TEX11: variants seen among roughly 807,000 people sequenced by gnomAD.
TEX11 encodes the protein testis-expressed protein 11.
TEX11 carries 7 observed loss-of-function variants against 84.4 expected under a neutral mutation model. That is an observed-to-expected ratio of 0.08 (90% CI 0.05 to 0.16). TEX11 has a LOEUF of 0.16. TEX11 is among the 10% of genes least tolerant of loss of function. The pLI is 1.00. For missense variants in TEX11, 551 were observed against 660.5 expected (o/e 0.83, Z 1.82); for synonymous variants, 264 against 222.8 (o/e 1.18, Z -1.64).
intron 25 of TEX11, among the ~76,000 whole-genome samples, chrX:70,559,987 CCA>C (rs1039118796): frequency 1.1e-5 from 1 of 93,170 alleles, no homozygotes; most frequent in Non-Finnish European, 2.1e-5. Flanking sequence ...TGCCAGAACT[CCA>C]GTTGCTTCCC....
chrX:70,662,190 A>G (rs769874570), intron 16 of TEX11, among the ~76,000 whole-genome samples: 1 of 111,993 alleles, frequency 8.9e-6, no homozygotes, highest in South Asian at 3.8e-4. Context: ...GGAGCTGAAA[A>G]CCATGGTACG....
At position 70,725,353 on chromosome X, in the gene TEX11, A is replaced by G. The variant is rs2090591714; in HGVS notation, c.844-10T>C. The G allele has an allele frequency of 1.8e-6, 2 of 1,119,814 alleles. No homozygotes were observed. Among genetic ancestry groups the G allele is most frequent in the African/African-American group, 3.6e-5 (2 of 55,468 alleles). The allele number at this position is 1,119,814 out of a possible 1,213,427, so 92.3% of individuals were successfully genotyped here. The stretch of plus-strand genomic sequence containing the variant: ...GAGAACTTAAATGTTCCTATTTTAA[A>G]CAAAGAAATCACAATGATATTAAAA... On this transcript the variant is annotated splice_polypyrimidine_tract_variant and intron_variant, in intron 11 of 29. Transcript: ENST00000374333.
chrX:70,683,056 T>C (rs1272809504), intron 13 of TEX11, among the ~76,000 whole-genome samples: 3 of 111,593 alleles, frequency 2.7e-5, no homozygotes, highest in Non-Finnish European at 5.6e-5. Flanking sequence ...AGTCAGATAA[T>C]CATTTCTCTC....
rs188551665 is a variant in TEX11 at position 70,731,148 on chromosome X, A to C, written c.844-5805T>G. ...ATACCAGAATCTCTGGGACACATTC[A>C]AAGCAGTGTGTAGAGGGAAATTTAT... On this transcript the variant is annotated intron_variant, in intron 11 of 29. Transcript: ENST00000374333. Among the ~76,000 whole-genome samples the C allele has an allele frequency of 9.4e-3, 1,058 of 112,169 alleles. 16 individuals are homozygous for C. The highest frequency in any genetic ancestry group is 0.065 in the Middle Eastern group (14 of 216).
chrX:70,819,214 A>G (rs977026530), intron 8 of TEX11, among the ~76,000 whole-genome samples: 1 of 111,916 alleles, frequency 8.9e-6, no homozygotes, highest in African/African-American at 3.2e-5. Context: ...ACTGAATCCA[A>G]CAAGGATATT....
chrX:70,773,912 C>T (rs898546362), intron 9 of TEX11, among the ~76,000 whole-genome samples: 1 of 111,211 alleles, frequency 9.0e-6, no homozygotes, highest in Admixed American at 9.6e-5. Context: ...GAGAGAGAGA[C>T]TCCCCAATGC....
At chrX:70,741,347 A>G (rs753361263) in intron 10 of TEX11, among the ~76,000 whole-genome samples, 90 of 112,108 alleles carry the variant, frequency 8.0e-4, no homozygotes, top group African/African-American at 2.7e-3. Flanking sequence ...CAACTGTATG[A>G]TTCCATTTAT....
chrX:70,816,914 A>G lies in TEX11; in HGVS notation c.607-10124T>C, dbSNP rs746139288. Among the ~76,000 whole-genome samples, 9 of 110,416 alleles carry G rather than the reference A, an allele frequency of 8.2e-5. No homozygotes were observed. The East Asian group carries it at 2.0e-3, about 24-fold the overall frequency. ...AGCATGGAGAAGAGGGCATCCTCACAGTGAATAGAGTGGCAGAGAATATGG... is the reference window on the plus strand; with the variant it reads ...AGCATGGAGAAGAGGGCATCCTCACGGTGAATAGAGTGGCAGAGAATATGG... On this transcript the variant is annotated intron_variant, in intron 8 of 29. Transcript: ENST00000374333.
Position 70,553,367 on chromosome X carries a change from C to A in TEX11, c.2338G>T (p.Ala780Ser). The A allele has an allele frequency of 8.3e-7, 1 of 1,208,146 alleles. No individual in the cohort carries two copies. Among genetic ancestry groups the A allele is most frequent in the Non-Finnish European group, 1.1e-6 (1 of 893,667 alleles). Residue 780 changes from alanine (A) to serine (S), a missense_variant, in exon 27 of 30, where the codon GCC becomes TCC. Transcript: ENST00000374333. ...TAGAGCAATAAAGCCTTTTTCAAGGCCTTGAGAGCAATCAAAGGATAGTGT... is the reference window on the plus strand; with the variant it reads ...TAGAGCAATAAAGCCTTTTTCAAGGACTTGAGAGCAATCAAAGGATAGTGT... The part of the protein sequence containing the change: ...PAHYPLIALK[A>S]LKKALLLYKK...
At chrX:70,740,586 A>T in intron 11 of TEX11, 115 bp downstream of exon 11, 2 of 452,095 alleles carry the variant, frequency 4.4e-6, no homozygotes, top group African/African-American at 2.4e-5. Flanking sequence ...TATAGAAGAG[A>T]TTATAACAAT....
At chrX:70,852,917 A>T in intron 7 of TEX11, 117 bp downstream of exon 7, 1 of 686,081 alleles carries the variant, frequency 1.5e-6, no homozygotes, top group Non-Finnish European at 2.1e-6. Context: ...GGTCAAATTA[A>T]TATCCTATAA....
intron 28 of TEX11, among the ~76,000 whole-genome samples, chrX:70,540,846 T>C (rs768421479): frequency 9.7e-4 from 109 of 112,058 alleles, no homozygotes; most frequent in African/African-American, 3.5e-3. Flanking sequence ...TTCATATAAA[T>C]AGAAGGATAC....
At chrX:70,648,341 A>G (rs2089771794) in intron 17 of TEX11, among the ~76,000 whole-genome samples, 1 of 110,223 alleles carries the variant, frequency 9.1e-6, no homozygotes, top group Admixed American at 9.7e-5. Flanking sequence ...CAGCACACCA[A>G]CATGGCACAT....
the TEX11 span, among the ~76,000 whole-genome samples, chrX:70,517,064 C>A: frequency 9.0e-5 from 10 of 111,666 alleles, no homozygotes; most frequent in East Asian, 2.8e-3. Context: ...ACGTCATCTG[C>A]AAACAGGGAC....
intron 13 of TEX11, among the ~76,000 whole-genome samples, chrX:70,695,071 C>T (rs2090268616): frequency 8.9e-6 from 1 of 111,908 alleles, no homozygotes; most frequent in South Asian, 3.7e-4. Flanking sequence ...GGGGACAAAC[C>T]ATATCCAAAC....
chrX:70,635,660 C>T (rs73220870), intron 17 of TEX11, among the ~76,000 whole-genome samples: 12,641 of 111,769 alleles, frequency 0.11, 607 homozygotes, highest in Middle Eastern at 0.2. Flanking sequence ...TTCAGGTCTG[C>T]CTCAGCACTA....
rs775537536 is a variant in TEX11 at position 70,539,038 on chromosome X, A to AT, written c.2521-9040dup. On this transcript the variant is annotated intron_variant, in intron 28 of 29. Coordinates refer to ENST00000374333, the MANE Select transcript of TEX11 (RefSeq NM_031276.3). ...CTTGGAAATATATATATATATATATATTTTTTTTTTTTTTAAGATGGAGTC... is the reference window on the plus strand; with the variant it reads ...CTTGGAAATATATATATATATATATATTTTTTTTTTTTTTTAAGATGGAGTC... Among the ~76,000 whole-genome samples the AT allele has an allele frequency of 0.014, 563 of 41,260 alleles. 32 individuals are homozygous for AT. The East Asian group carries it at 0.27, about 20-fold the overall frequency. 35.8% of individuals were successfully genotyped at this position (41,260 alleles called of 115,157 possible). A position where few individuals can be genotyped will look rare whatever the true frequency, so the allele number is the denominator to read the frequency against.
rs2089249003 is a variant in TEX11, at chrX:70,610,551, T to C, written c.1752-8A>G. On this transcript the variant is annotated splice_region_variant and splice_polypyrimidine_tract_variant and intron_variant, in intron 20 of 29. Transcript: ENST00000374333. ...CGATCCATTTCTTTCTTCCTAAAAA[T>C]AAAGAAAAGGATATTTTCCAACTGC... 1 of 1,198,096 alleles carries C rather than the reference T, an allele frequency of 8.3e-7. No homozygotes were observed. The highest frequency in any genetic ancestry group is 1.1e-6 in the Non-Finnish European group (1 of 887,095).
intron 20 of TEX11, among the ~76,000 whole-genome samples, chrX:70,613,386 A>AAT (rs1555997745): frequency 9.0e-6 from 1 of 111,303 alleles, no homozygotes; most frequent in African/African-American, 3.3e-5. Flanking sequence ...GCACTTGAGA[A>AAT]AGAGAGAGAG....
Sources: gnomAD v4.1 joint callset for allele counts (sites outside exome capture counted in the v4.1 genomes callset) on GRCh38, gnomAD v4.1.1 for gene constraint, MANE v1.5 for transcripts, NCBI Gene and HGNC (gene_info 2026-07-23, HGNC 2026-07-21) for gene names.